Variants in TENM4 observed in about 807,000 individuals in gnomAD.
TENM4 encodes the protein teneurin-4.
In TENM4, 82 loss-of-function variants were observed where a neutral mutation model predicts 243.3. The observed-to-expected ratio is 0.34, with a 90% confidence interval of 0.28 to 0.40. The LOEUF is 0.40. Ranked by LOEUF, TENM4 falls within the 10% of genes least tolerant of loss-of-function variation. TENM4 has a pLI of 1.00. For missense variants in TENM4, 3,138 were observed against 3,673.3 expected, an observed-to-expected ratio of 0.85 and a Z score of 3.77; for synonymous variants, 1,412 against 1,456.3, an observed-to-expected ratio of 0.97 and a Z score of 0.69.
intron 2 of TENM4, among the ~76,000 whole-genome samples, chr11:79,281,507 C>T (rs1369085834): frequency 6.6e-6 from 1 of 152,172 alleles, no homozygotes; most frequent in Non-Finnish European, 1.5e-5. Context: ...CTTATTTTAT[C>T]ACTGAGAAAG....
intron 1 of TENM4, among the ~76,000 whole-genome samples, chr11:79,403,442 C>T (rs756398454): frequency 1.3e-4 from 20 of 152,148 alleles, no homozygotes; most frequent in Non-Finnish European, 2.8e-4. Flanking sequence ...ACTGATAGTT[C>T]CATTTTGCAG....
chr11:79,326,407 G>A (rs1268471865), intron 1 of TENM4, among the ~76,000 whole-genome samples: 1 of 152,106 alleles, frequency 6.6e-6, no homozygotes, highest in Non-Finnish European at 1.5e-5. Context: ...TGCTCCTCAA[G>A]TGCTCAAGAC....
At chr11:79,421,671 A>C (rs1473346751) in intron 1 of TENM4, among the ~76,000 whole-genome samples, 1 of 152,040 alleles carries the variant, frequency 6.6e-6, no homozygotes, top group East Asian at 1.9e-4. Flanking sequence ...GGAACGGAAC[A>C]AGGAAAATGT....
In TENM4 at chr11:79,015,220, C is replaced by T. The variant is rs547955838; in HGVS notation, c.493+49518G>A. On this transcript the variant is annotated intron_variant, in intron 6 of 33. Transcript: ENST00000278550. Reference sequence around the variant, plus strand: ...GAAGGTGGGCATTGCTTTTTATCAACTCATTGTAGGGATGAAGAATTGAAT... The same window carrying T: ...GAAGGTGGGCATTGCTTTTTATCAATTCATTGTAGGGATGAAGAATTGAAT... 3.9e-5 allele frequency among the ~76,000 whole-genome samples: 6 copies of T among 152,332 alleles called. No individual in the cohort carries two copies. In the South Asian group the frequency reaches 1.2e-3, roughly 32 times the overall value.
At chr11:78,753,105 G>A (rs58182349) in intron 19 of TENM4, among the ~76,000 whole-genome samples, 4,657 of 152,244 alleles carry the variant, frequency 0.031, 243 homozygotes, top group African/African-American at 0.11. Context: ...TTACAAAACT[G>A]GAAAGTGGAT....
intron 12 of TENM4, among the ~76,000 whole-genome samples, chr11:78,852,644 C>T (rs957483786): frequency 6.6e-6 from 1 of 152,174 alleles, no homozygotes; most frequent in African/African-American, 2.4e-5. Flanking sequence ...GATTGAGTCA[C>T]TGCACTCCGG....
At chr11:78,684,124 T>C (rs1858594691) in intron 29 of TENM4, among the ~76,000 whole-genome samples, 2 of 152,208 alleles carry the variant, frequency 1.3e-5, no homozygotes, top group Admixed American at 1.3e-4. Context: ...CTGAGGGGTG[T>C]GGGAGTCACT....
intron 25 of TENM4, among the ~76,000 whole-genome samples, chr11:78,718,528 C>T (rs1001359790): frequency 6.6e-6 from 1 of 152,204 alleles, no homozygotes; most frequent in Non-Finnish European, 1.5e-5. Context: ...AGCACCTGGC[C>T]TTCTGACTCT....
At chr11:79,192,080 C>A in intron 3 of TENM4, among the ~76,000 whole-genome samples, 1 of 143,912 alleles carries the variant, frequency 6.9e-6, no homozygotes, top group East Asian at 2.2e-4. Context: ...CCGTCCCGTC[C>A]GGGAGGGAGG....
intron 4 of TENM4, among the ~76,000 whole-genome samples, chr11:79,119,787 CT>C (rs1159196609): frequency 3.9e-5 from 6 of 152,348 alleles, no homozygotes; most frequent in Non-Finnish European, 8.8e-5. Flanking sequence ...TCTCTCCCAT[CT>C]GTCCTCTCCA....
At chr11:79,377,874 TA>T (rs147419519) in intron 1 of TENM4, among the ~76,000 whole-genome samples, 19,296 of 151,954 alleles carry the variant, frequency 0.13, 1,269 homozygotes, top group Non-Finnish European at 0.15. Flanking sequence ...AAAATACAAT[TA>T]AAAAAAATAG....
At chr11:79,401,178 C>T (rs756563992) in intron 1 of TENM4, among the ~76,000 whole-genome samples, 2 of 152,088 alleles carry the variant, frequency 1.3e-5, no homozygotes, top group Non-Finnish European at 2.9e-5. Flanking sequence ...TTTTTGTTTT[C>T]CTGCCTCCTT....
At chr11:79,010,684 C>T (rs1465426372) in intron 6 of TENM4, among the ~76,000 whole-genome samples, 9 of 152,116 alleles carry the variant, frequency 5.9e-5, no homozygotes, top group Admixed American at 2.6e-4. Context: ...CTTACTATCA[C>T]GGGAACAGCA....
intron 6 of TENM4, among the ~76,000 whole-genome samples, chr11:78,995,972 G>A (rs774681378): frequency 6.6e-6 from 1 of 152,146 alleles, no homozygotes; most frequent in Non-Finnish European, 1.5e-5. Flanking sequence ...CCTAAACTGA[G>A]ATCGCTTATG....
At chr11:78,888,657 G>C (rs145442010) in intron 9 of TENM4, among the ~76,000 whole-genome samples, 4 of 152,266 alleles carry the variant, frequency 2.6e-5, no homozygotes, top group Non-Finnish European at 4.4e-5. Flanking sequence ...TCTCAAGACA[G>C]CCCCTGTTCA....
At chr11:78,999,976 T>G (rs1031392654) in intron 6 of TENM4, among the ~76,000 whole-genome samples, 9 of 152,180 alleles carry the variant, frequency 5.9e-5, no homozygotes, top group African/African-American at 2.2e-4. Context: ...CATCATAAAC[T>G]GTTGAAAGCC....
intron 3 of TENM4, among the ~76,000 whole-genome samples, chr11:79,179,496 T>C (rs1290662371): frequency 1.3e-5 from 2 of 152,228 alleles, no homozygotes; most frequent in African/African-American, 2.4e-5. Context: ...TAAGCTAAAC[T>C]GGAGGCCTTC....
At chr11:79,315,823 TA>T (rs1856793816) in intron 1 of TENM4, among the ~76,000 whole-genome samples, 1 of 152,162 alleles carries the variant, frequency 6.6e-6, no homozygotes. Context: ...AATAATGAAA[TA>T]AAATGAAATG....
At chr11:78,788,034 A>T (rs1856976265) in intron 15 of TENM4, among the ~76,000 whole-genome samples, 1 of 152,236 alleles carries the variant, frequency 6.6e-6, no homozygotes, top group South Asian at 2.1e-4. Context: ...CTTGATTCTC[A>T]TGCCTCGTGG....
Sources: allele counts gnomAD v4.1 joint callset (sites outside exome capture counted in the v4.1 genomes callset), GRCh38; gene constraint gnomAD v4.1.1; transcripts MANE v1.5; gene names NCBI Gene and HGNC (gene_info 2026-07-23, HGNC 2026-07-21).